The following EDAR variants were observed in gnomAD, a reference collection of about 807,000 sequenced individuals.
The protein encoded by EDAR is tumor necrosis factor receptor superfamily member EDAR.
EDAR carries 38 observed loss-of-function variants against 51.3 expected under a neutral mutation model. The observed-to-expected ratio is 0.74, with a 90% confidence interval of 0.57 to 0.97. The LOEUF (loss-of-function observed/expected upper bound fraction) is 0.97, where lower values mean the gene tolerates loss of function less well. Among genes scored for constraint, EDAR ranks in the 50% least tolerant of loss-of-function variants. EDAR has a pLI of 0.00. For synonymous variants in EDAR, 227 were observed against 242.1 expected (o/e 0.94, Z 0.58); for missense variants, 528 against 595.0 (o/e 0.89, Z 1.17).
chr2:108,987,397 A>C (rs1698516191), intron 1 of EDAR, among the ~76,000 whole-genome samples: 2 of 152,192 alleles, frequency 1.3e-5, no homozygotes, highest in African/African-American at 4.8e-5. Context: ...ACTCCGGAGC[A>C]ATGTTGGGCT....
At chr2:108,930,021 G>T (rs1697333539) in intron 3 of EDAR, 99 bp downstream of exon 3, 1 of 1,422,890 alleles carries the variant, frequency 7.0e-7, no homozygotes. Context: ...ATATACCCTG[G>T]CATCCCCTCA....
intron 7 of EDAR, 26 bp downstream of exon 7, chr2:108,910,921 G>A (rs775781155): frequency 6.8e-6 from 11 of 1,613,980 alleles, no homozygotes; most frequent in Admixed American, 1.7e-5. Flanking sequence ...CCAGGAAGCA[G>A]GGCACCGGCG....
At chr2:108,962,674 CAAAAAAAAA>C (rs66741499) in intron 1 of EDAR, among the ~76,000 whole-genome samples, 4 of 66,886 alleles carry the variant, frequency 6.0e-5, no homozygotes, top group East Asian at 1.3e-3. Flanking sequence ...GACTCTGTCT[CAAAAAAAAA>C]AAAAAAAAAA....
intron 4 of EDAR, among the ~76,000 whole-genome samples, chr2:108,923,997 G>A (rs1281056461): frequency 6.6e-6 from 1 of 152,258 alleles, no homozygotes; most frequent in Non-Finnish European, 1.5e-5. Context: ...GCTGTCCAGA[G>A]AGGTCAATGC....
chr2:108,941,234 A>G (rs899814623), intron 1 of EDAR, among the ~76,000 whole-genome samples: 41 of 152,142 alleles, frequency 2.7e-4, no homozygotes, highest in African/African-American at 9.4e-4. Flanking sequence ...CCATTTGCCC[A>G]TTCCATTTGT....
intron 6 of EDAR, 124 bp downstream of exon 6, chr2:108,912,554 G>A: frequency 1.2e-6 from 1 of 866,516 alleles, no homozygotes; most frequent in Non-Finnish European, 1.9e-6. Flanking sequence ...ATTACATTAG[G>A]GAGGTGAGGC....
At chr2:108,932,528 CAAA>C (rs1171012818) in intron 1 of EDAR, among the ~76,000 whole-genome samples, 36 of 39,154 alleles carry the variant, frequency 9.2e-4, no homozygotes, top group African/African-American at 3.5e-3. Context: ...GACTCTGTCT[CAAA>C]AAAAAAAAAA....
chr2:108,919,188 C>T (rs375644691), intron 5 of EDAR, among the ~76,000 whole-genome samples: 3 of 152,238 alleles, frequency 2.0e-5, no homozygotes, highest in East Asian at 3.9e-4. Context: ...TTTAGTGTCA[C>T]GGAAGAGCAT....
chr2:108,978,035 C>T lies in EDAR; in HGVS notation c.-19+10925G>A, dbSNP rs370072312. On this transcript the variant is annotated intron_variant, in intron 1 of 11. Coordinates refer to ENST00000258443, the MANE Select transcript of EDAR (RefSeq NM_022336.4). ...CAACTTCATCCACAGAACAGGGCTG[C>T]GGTTCAAAGTCGTTCTTCCTTCTCC... Among the ~76,000 whole-genome samples, 14 of 152,328 alleles carry T rather than the reference C, an allele frequency of 9.2e-5. No homozygotes were observed. The East Asian group carries it at 2.3e-3, about 25-fold the overall frequency.
intron 4 of EDAR, 138 bp from the exon 5 acceptor site, chr2:108,923,591 G>A: frequency 1.4e-6 from 1 of 730,896 alleles, no homozygotes; most frequent in South Asian, 1.5e-5. Context: ...TCAGTCACCT[G>A]CTCTGTCCAC....
chr2:108,896,269 A>G lies in EDAR; in HGVS notation c.*638T>C, dbSNP rs1317221403. 1 of 152,588 alleles carries G rather than the reference A, an allele frequency of 6.6e-6. No homozygotes were observed. Among genetic ancestry groups the G allele is most frequent in the Admixed American group, 6.5e-5 (1 of 15,332 alleles). The allele number at this position is 152,588 out of a possible 1,614,324, so 9.5% of individuals were successfully genotyped here. A position where few individuals can be genotyped will look rare whatever the true frequency, so the allele number is the denominator to read the frequency against. On this transcript the variant is annotated 3_prime_UTR_variant, in exon 12 of 12. Coordinates refer to ENST00000258443, the MANE Select transcript of EDAR (RefSeq NM_022336.4). ...CAAGGATAGGTAAAAAGTTATCCTAATGAAACCACATAGGGTATTAACAGA... is the reference window on the plus strand; with the variant it reads ...CAAGGATAGGTAAAAAGTTATCCTAGTGAAACCACATAGGGTATTAACAGA...
intron 5 of EDAR, among the ~76,000 whole-genome samples, chr2:108,919,095 G>C (rs1177957846): frequency 6.6e-6 from 1 of 152,186 alleles, no homozygotes; most frequent in Admixed American, 6.5e-5. Flanking sequence ...TCAGGTCTGA[G>C]AGGCTCTGAG....
intron 1 of EDAR, among the ~76,000 whole-genome samples, chr2:108,985,036 C>T (rs1698474628): frequency 6.6e-6 from 1 of 152,172 alleles, no homozygotes; most frequent in Middle Eastern, 3.2e-3. Context: ...TTTTTGCTTG[C>T]AGTCTGGTTT....
chr2:108,947,742 T>G (rs1369731388), intron 1 of EDAR, among the ~76,000 whole-genome samples: 1 of 152,108 alleles, frequency 6.6e-6, no homozygotes, highest in African/African-American at 2.4e-5. Context: ...ACAGGGCCCA[T>G]GAAACCATTT....
chr2:108,916,565 C>A (rs1000754211), intron 5 of EDAR, among the ~76,000 whole-genome samples: 1 of 152,158 alleles, frequency 6.6e-6, no homozygotes, highest in African/African-American at 2.4e-5. Flanking sequence ...CCGGATGGTT[C>A]CCTCCAAACA....
At chr2:108,928,830 T>C (rs534830429) in intron 4 of EDAR, among the ~76,000 whole-genome samples, 4 of 152,346 alleles carry the variant, frequency 2.6e-5, no homozygotes, top group Non-Finnish European at 4.4e-5. Flanking sequence ...CCCAGAGTGT[T>C]CCCAGGATAC....
intron 1 of EDAR, among the ~76,000 whole-genome samples, chr2:108,954,169 A>T (rs976011612): frequency 1.3e-5 from 2 of 152,140 alleles, no homozygotes; most frequent in African/African-American, 4.8e-5. Context: ...AGTTATGGCA[A>T]CCTAGATAGC....
At chr2:108,958,006 C>A (rs1351231885) in intron 1 of EDAR, among the ~76,000 whole-genome samples, 1 of 152,096 alleles carries the variant, frequency 6.6e-6, no homozygotes, top group African/African-American at 2.4e-5. Context: ...CTTTAAGCAG[C>A]CCTTTGGATT....
intron 1 of EDAR, among the ~76,000 whole-genome samples, chr2:108,934,510 T>C (rs1379837396): frequency 6.6e-6 from 1 of 152,230 alleles, no homozygotes; most frequent in Non-Finnish European, 1.5e-5. Context: ...GGAGCACCTG[T>C]CTTAGTCTGC....
Sources: allele counts gnomAD v4.1 joint callset (sites outside exome capture counted in the v4.1 genomes callset), GRCh38; gene constraint gnomAD v4.1.1; transcripts MANE v1.5; gene names NCBI Gene and HGNC (gene_info 2026-07-23, HGNC 2026-07-21).